The following ZNF469 variants were observed in gnomAD, a reference collection of about 807,000 sequenced individuals.
ZNF469 encodes the protein zinc finger protein 469.
In ZNF469, 1 loss-of-function variant was observed where a neutral mutation model predicts 1.0. That is an observed-to-expected ratio of 1.00 (90% CI 0.35 to 4.73). ZNF469 has a LOEUF of 4.73. Among genes scored for constraint, ZNF469 ranks in the 30% most tolerant of loss-of-function variants. ZNF469 has a pLI of 0.16. For synonymous variants in ZNF469, 2,703 were observed against 2,363.4 expected, an observed-to-expected ratio of 1.14 and a Z score of -4.17; for missense variants, 6,100 against 5,356.3, an observed-to-expected ratio of 1.14 and a Z score of -4.33.
chr16:88,427,231 C>G (rs1905749745), intron 2 of ZNF469, among the ~76,000 whole-genome samples, 114 bp from the exon 3 acceptor site: 1 of 152,178 alleles, frequency 6.6e-6, no homozygotes, highest in South Asian at 2.1e-4. Context: ...TGGCTGCACG[C>G]AGCCTCTTCT....
intron 1 of ZNF469, among the ~76,000 whole-genome samples, chr16:88,403,964 G>C (rs1380982849): frequency 6.6e-6 from 1 of 152,138 alleles, no homozygotes; most frequent in Admixed American, 6.5e-5. Flanking sequence ...GTGCTGCAGG[G>C]CCCCCCAGAG....
intron 1 of ZNF469, among the ~76,000 whole-genome samples, chr16:88,397,520 T>C (rs1190515211): frequency 6.6e-6 from 1 of 152,182 alleles, no homozygotes; most frequent in Non-Finnish European, 1.5e-5. Flanking sequence ...TGTATCTCAA[T>C]GTTAGCAGTC....
At chr16:88,286,748 C>T in the ZNF469 span, among the ~76,000 whole-genome samples, 35 of 152,326 alleles carry the variant, frequency 2.3e-4, no homozygotes, top group African/African-American at 8.4e-4. Context: ...TTCATGTTCC[C>T]AGTGCTGCGT....
At chr16:88,245,119 T>C in the ZNF469 span, among the ~76,000 whole-genome samples, 2 of 151,984 alleles carry the variant, frequency 1.3e-5, no homozygotes, top group Admixed American at 1.3e-4. Context: ...TCAAGGGTCA[T>C]GTTGCTATGA....
At chr16:88,142,641 G>A in the ZNF469 span, among the ~76,000 whole-genome samples, 1 of 152,158 alleles carries the variant, frequency 6.6e-6, no homozygotes, top group African/African-American at 2.4e-5. Context: ...TGGCCCTGGG[G>A]CTCGAACTCT....
chr16:88,234,272 G>A, the ZNF469 span, among the ~76,000 whole-genome samples: 2 of 152,232 alleles, frequency 1.3e-5, no homozygotes, highest in African/African-American at 4.8e-5. Context: ...CCTCCCTCTT[G>A]AGTGAGCTGA....
At chr16:88,211,099 C>T in the ZNF469 span, among the ~76,000 whole-genome samples, 1 of 152,174 alleles carries the variant, frequency 6.6e-6, no homozygotes, top group Non-Finnish European at 1.5e-5. Context: ...TTAATGTTTT[C>T]CTTAAATAGT....
In ZNF469 at chr16:88,427,425, C is replaced by A. The variant is rs1025095474; in HGVS notation, c.-46C>A. On this transcript the variant is annotated 5_prime_UTR_variant, in exon 3 of 3. Transcript: ENST00000565624. ...TGGCCGTCCAGCCCACTCCCCAGGG[C>A]CCCCCTCGGACAGCTGCGTCGTCCT... The A allele has an allele frequency of 1.2e-5, 17 of 1,442,126 alleles. No homozygotes were observed. The highest frequency in any genetic ancestry group is 2.9e-5 in the South Asian group (2 of 69,442). The allele number at this position is 1,442,126 out of a possible 1,614,324, so 89.3% of individuals were successfully genotyped here.
the ZNF469 span, among the ~76,000 whole-genome samples, chr16:88,122,297 G>A: frequency 6.6e-6 from 1 of 151,246 alleles, no homozygotes; most frequent in Non-Finnish European, 1.5e-5. Flanking sequence ...GGCCACGATG[G>A]CCCCTTGGAT....
the ZNF469 span, among the ~76,000 whole-genome samples, chr16:88,130,600 G>A: frequency 2.4e-4 from 37 of 152,072 alleles, no homozygotes; most frequent in Middle Eastern, 3.4e-3. Flanking sequence ...CAGCTACTCG[G>A]GAGGCTGAGG....
the ZNF469 span, among the ~76,000 whole-genome samples, chr16:88,203,004 A>G: frequency 1.3e-5 from 2 of 152,188 alleles, no homozygotes; most frequent in African/African-American, 4.8e-5. Context: ...ATCCAGGTAC[A>G]GTGCTCAGTC....
the ZNF469 span, among the ~76,000 whole-genome samples, chr16:88,202,946 T>C: frequency 6.6e-6 from 1 of 152,166 alleles, no homozygotes; most frequent in Non-Finnish European, 1.5e-5. Flanking sequence ...GCCGATGCCC[T>C]GTCCTTTGCC....
chr16:88,429,466 G>C lies in ZNF469; in HGVS notation c.1996G>C (p.Ala666Pro), dbSNP rs746798998. ...SLPTHYQPEP[A>P]KAFPFPADGL... ...CCCCACCCACTACCAGCCAGAGCCAGCCAAGGCCTTCCCTTTTCCCGCAGA... is the reference window on the plus strand; with the variant it reads ...CCCCACCCACTACCAGCCAGAGCCACCCAAGGCCTTCCCTTTTCCCGCAGA... The change falls in exon 3 of 3, where the codon GCC (alanine) becomes CCC (proline). Residue 666 changes from alanine (A) to proline (P), a missense_variant. Transcript: ENST00000565624. 7.8e-7 allele frequency: 1 copy of C among 1,281,692 alleles called. No individual in the cohort carries two copies. 79.4% of individuals were successfully genotyped at this position (1,281,692 alleles called of 1,614,324 possible). A position where few individuals can be genotyped will look rare whatever the true frequency, so the allele number is the denominator to read the frequency against.
intron 1 of ZNF469, among the ~76,000 whole-genome samples, chr16:88,391,471 T>C (rs115489574): frequency 0.02 from 2,973 of 150,726 alleles, 87 homozygotes; most frequent in African/African-American, 0.069. Context: ...TTGGACAGAC[T>C]GTAAGGGTTG....
the ZNF469 span, among the ~76,000 whole-genome samples, chr16:88,366,729 A>C: frequency 6.6e-6 from 1 of 150,532 alleles, no homozygotes; most frequent in Admixed American, 6.6e-5. Context: ...CCATCATCAC[A>C]TCACCATCAT....
At chr16:88,417,349 C>T (rs1443243703) in intron 1 of ZNF469, among the ~76,000 whole-genome samples, 3 of 152,192 alleles carry the variant, frequency 2.0e-5, no homozygotes, top group Non-Finnish European at 2.9e-5. Context: ...GCTGCTCGAC[C>T]GGCCAATGAG....
chr16:88,227,581 C>T, the ZNF469 span, among the ~76,000 whole-genome samples: 2 of 148,534 alleles, frequency 1.3e-5, no homozygotes, highest in Admixed American at 6.7e-5. Flanking sequence ...CTGGCCCCCC[C>T]CTTCTCCCTC....
intron 1 of ZNF469, among the ~76,000 whole-genome samples, chr16:88,399,776 C>G (rs1599349740): frequency 6.6e-6 from 1 of 152,260 alleles, no homozygotes; most frequent in African/African-American, 2.4e-5. Context: ...GCTCCCAGTC[C>G]TTCCTTCTCA....
chr16:88,289,266 G>A, the ZNF469 span, among the ~76,000 whole-genome samples: 478 of 115,836 alleles, frequency 4.1e-3, 3 homozygotes, highest in South Asian at 0.014. Flanking sequence ...CAGTGATGGT[G>A]ATGATGGTGA....
Sources: gnomAD v4.1 joint callset for allele counts (sites outside exome capture counted in the v4.1 genomes callset) on GRCh38, gnomAD v4.1.1 for gene constraint, MANE v1.5 for transcripts, NCBI Gene and HGNC (gene_info 2026-07-23, HGNC 2026-07-21) for gene names.